The following KIAA0825 variants were observed in gnomAD, a reference collection of about 807,000 sequenced individuals.
The protein encoded by KIAA0825 is uncharacterized protein KIAA0825.
Under a neutral mutation model 147.6 loss-of-function variants are expected in KIAA0825, and 119 were observed. That is an observed-to-expected ratio of 0.81 (90% CI 0.69 to 0.94). The LOEUF (loss-of-function observed/expected upper bound fraction) is 0.94. Among genes scored for constraint, KIAA0825 ranks in the 40% least tolerant of loss-of-function variants. The pLI is 0.00. For missense variants in KIAA0825, 1,381 were observed against 1,472.7 expected (o/e 0.94, Z 1.02); for synonymous variants, 470 against 518.1 (o/e 0.91, Z 1.26).
chr5:94,590,322 G>A (rs1561362849), intron 1 of KIAA0825, among the ~76,000 whole-genome samples: 1 of 152,082 alleles, frequency 6.6e-6, no homozygotes, highest in Non-Finnish European at 1.5e-5. Context: ...CCATTTATTT[G>A]TCCTCATATT....
chr5:94,373,779 A>G (rs1473185416), intron 20 of KIAA0825, among the ~76,000 whole-genome samples: 2 of 152,226 alleles, frequency 1.3e-5, no homozygotes, highest in Admixed American at 6.5e-5. Context: ...GAATATTACT[A>G]GTTGTCACAC....
intron 2 of KIAA0825, among the ~76,000 whole-genome samples, chr5:94,554,933 T>C (rs1776266910): frequency 6.6e-6 from 1 of 151,356 alleles, no homozygotes; most frequent in Non-Finnish European, 1.5e-5. Flanking sequence ...ATGCTATAAA[T>C]TGCCTCTCTA....
At chr5:94,497,440 G>A (rs1764516042) in intron 5 of KIAA0825, among the ~76,000 whole-genome samples, 1 of 152,016 alleles carries the variant, frequency 6.6e-6, no homozygotes, top group South Asian at 2.1e-4. Context: ...TTATATTAGA[G>A]AATTATATTA....
At chr5:94,394,524 T>C (rs1363291302) in intron 17 of KIAA0825, among the ~76,000 whole-genome samples, 1 of 152,174 alleles carries the variant, frequency 6.6e-6, no homozygotes, top group Non-Finnish European at 1.5e-5. Flanking sequence ...AAAACTTAAA[T>C]TGAAATCAGA....
chr5:94,223,595 T>G (rs1000051151), intron 20 of KIAA0825, among the ~76,000 whole-genome samples: 4 of 152,196 alleles, frequency 2.6e-5, no homozygotes, highest in African/African-American at 4.8e-5. Context: ...TATATTAAAC[T>G]CCACTTACAA....
chr5:94,194,850 T>C (rs539752675), intron 20 of KIAA0825, among the ~76,000 whole-genome samples: 1 of 152,350 alleles, frequency 6.6e-6, no homozygotes, highest in East Asian at 1.9e-4. Context: ...ATTTAATCAC[T>C]TCTGTCTTGT....
At chr5:94,351,401 C>A (rs571776317) in intron 20 of KIAA0825, among the ~76,000 whole-genome samples, 1 of 152,224 alleles carries the variant, frequency 6.6e-6, no homozygotes, top group African/African-American at 2.4e-5. Flanking sequence ...AAGACCTCTA[C>A]AAGGAAAACT....
At chr5:94,415,851 G>C (rs1161680971) in intron 15 of KIAA0825, 2 of 152,158 alleles carry the variant, frequency 1.3e-5, no homozygotes, top group Non-Finnish European at 2.9e-5. Context: ...GTTATTTTAA[G>C]TATAGTTTTG....
chr5:94,494,084 A>G (rs1406284358), intron 5 of KIAA0825, among the ~76,000 whole-genome samples: 1 of 152,148 alleles, frequency 6.6e-6, no homozygotes, highest in Non-Finnish European at 1.5e-5. Flanking sequence ...TTCTGGGTCA[A>G]TGAGAAAAAC....
intron 2 of KIAA0825, among the ~76,000 whole-genome samples, chr5:94,556,625 A>G (rs552826571): frequency 2.0e-5 from 3 of 152,344 alleles, no homozygotes; most frequent in Admixed American, 2.0e-4. Context: ...TGATTAAAAC[A>G]TCTACCCATT....
intron 20 of KIAA0825, among the ~76,000 whole-genome samples, chr5:94,175,501 G>T (rs1425661297): frequency 2.6e-5 from 4 of 152,178 alleles, no homozygotes; most frequent in African/African-American, 9.7e-5. Flanking sequence ...ACTCCCAAGA[G>T]AATAATCCAG....
intron 20 of KIAA0825, among the ~76,000 whole-genome samples, chr5:94,279,363 C>T (rs1256812290): frequency 1.3e-5 from 2 of 152,006 alleles, no homozygotes; most frequent in East Asian, 1.9e-4. Context: ...ACTACAGATC[C>T]GGTGCTAGAC....
intron 20 of KIAA0825, among the ~76,000 whole-genome samples, chr5:94,375,457 G>T (rs1232891143): frequency 6.6e-6 from 1 of 152,064 alleles, no homozygotes; most frequent in African/African-American, 2.4e-5. Flanking sequence ...CTCCACTCCA[G>T]GTGTTATTAA....
intron 12 of KIAA0825, among the ~76,000 whole-genome samples, chr5:94,459,715 T>C (rs1010311890): frequency 3.3e-5 from 5 of 152,098 alleles, no homozygotes; most frequent in African/African-American, 1.2e-4. Flanking sequence ...GGAAGTTGTA[T>C]TGAAATCCCA....
intron 20 of KIAA0825, among the ~76,000 whole-genome samples, chr5:94,231,574 A>T (rs1235284688): frequency 6.6e-6 from 1 of 152,132 alleles, no homozygotes; most frequent in African/African-American, 2.4e-5. Flanking sequence ...ATAATGGAAA[A>T]TTTCTTTATC....
chr5:94,252,183 G>C (rs1028914565), intron 20 of KIAA0825, among the ~76,000 whole-genome samples: 6 of 151,878 alleles, frequency 4.0e-5, no homozygotes, highest in African/African-American at 1.4e-4. Flanking sequence ...AATTAATATT[G>C]TATAAAATTA....
intron 20 of KIAA0825, among the ~76,000 whole-genome samples, chr5:94,373,531 CT>C (rs1747055456): frequency 1.3e-5 from 2 of 152,220 alleles, no homozygotes; most frequent in African/African-American, 2.4e-5. Flanking sequence ...CAAACACGTC[CT>C]TCTTTACATG....
chr5:94,497,517 A>C (rs191207894), intron 5 of KIAA0825, among the ~76,000 whole-genome samples: 119 of 152,308 alleles, frequency 7.8e-4, no homozygotes, highest in Non-Finnish European at 1.4e-3. Flanking sequence ...AAAAAAGTTA[A>C]ATAAATTGCT....
At chr5:94,530,064 G>A (rs1044811923) in intron 3 of KIAA0825, among the ~76,000 whole-genome samples, 1 of 151,814 alleles carries the variant, frequency 6.6e-6, no homozygotes, top group African/African-American at 2.4e-5. Context: ...TGAGGTCAGG[G>A]GTTCGAGACC....
Sources: allele counts gnomAD v4.1 joint callset (sites outside exome capture counted in the v4.1 genomes callset), GRCh38; gene constraint gnomAD v4.1.1; transcripts MANE v1.5; gene names NCBI Gene and HGNC (gene_info 2026-07-23, HGNC 2026-07-21).